The following DIS3L variants were observed in gnomAD, a reference collection of about 807,000 sequenced individuals.
DIS3L encodes the protein DIS3 like exosome 3'-5' exoribonuclease.
A neutral mutation model predicts 120.3 loss-of-function variants in DIS3L; 100 were observed. The observed-to-expected ratio is 0.83, with a 90% confidence interval of 0.71 to 0.98. DIS3L has a LOEUF of 0.98. DIS3L is among the 50% of genes least tolerant of loss of function. DIS3L has a pLI of 0.00. For missense variants in DIS3L, 1,196 were observed against 1,314.2 expected (o/e 0.91, Z 1.39); for synonymous variants, 426 against 470.6 (o/e 0.91, Z 1.23).
intron 2 of DIS3L, among the ~76,000 whole-genome samples, chr15:66,302,023 T>G (rs2140328037): frequency 6.6e-6 from 1 of 152,328 alleles, no homozygotes; most frequent in East Asian, 1.9e-4. Flanking sequence ...AATCTGGTGG[T>G]AACCCCTGGG....
chr15:66,329,515 T>A (rs2092976603), intron 14 of DIS3L, 116 bp downstream of exon 14: 3 of 1,371,882 alleles, frequency 2.2e-6, no homozygotes. Flanking sequence ...CTAGAATTAT[T>A]CTAACCAGTG....
chr15:66,312,438 A>G (rs1021409176), intron 5 of DIS3L, among the ~76,000 whole-genome samples: 2 of 152,204 alleles, frequency 1.3e-5, no homozygotes, highest in Admixed American at 6.5e-5. Context: ...CATATTGAAC[A>G]TCATACAAGC....
chr15:66,332,778 T>A lies in DIS3L; in HGVS notation c.2724T>A (p.Gly908=), dbSNP rs750301201. ...KGAAYLKNKD[G]LVISCGPDSC... Reference sequence around the variant, plus strand: ...CTGCTTATCTAAAAAATAAAGATGGTTTAGTCATCTCATGTGGCCCAGATA... The same window carrying A: ...CTGCTTATCTAAAAAATAAAGATGGATTAGTCATCTCATGTGGCCCAGATA... The change falls in exon 16 of 17, where the codon GGT becomes GGA. Residue 908 remains glycine (G), a synonymous_variant. Transcript: ENST00000319212. The A allele has an allele frequency of 1.2e-6, 2 of 1,613,308 alleles. No individual in the cohort carries two copies. The highest frequency in any genetic ancestry group is 2.2e-5 in the South Asian group (2 of 91,006).
intron 1 of DIS3L, chr15:66,294,175 G>A (rs2092558464): frequency 2.0e-6 from 2 of 985,524 alleles, no homozygotes; most frequent in South Asian, 4.7e-5. Context: ...GCAGCCACAG[G>A]TTTCCTGACC....
chr15:66,306,519 G>A (rs2092703960), intron 2 of DIS3L, among the ~76,000 whole-genome samples: 1 of 152,190 alleles, frequency 6.6e-6, no homozygotes, highest in African/African-American at 2.4e-5. Flanking sequence ...GGCAGGGCAA[G>A]GTGGTATAAT....
At chr15:66,303,391 C>T (rs1288918536) in intron 2 of DIS3L, among the ~76,000 whole-genome samples, 1 of 152,066 alleles carries the variant, frequency 6.6e-6, no homozygotes, top group Non-Finnish European at 1.5e-5. Flanking sequence ...CTATCTATGC[C>T]GTAGGACACT....
At chr15:66,328,545 A>G (rs904404799) in intron 12 of DIS3L, among the ~76,000 whole-genome samples, 1 of 152,204 alleles carries the variant, frequency 6.6e-6, no homozygotes, top group Non-Finnish European at 1.5e-5. Context: ...TATTTTGAGA[A>G]TAAATAAATA....
At chr15:66,332,955 A>G in intron 16 of DIS3L, 45 bp downstream of exon 16, 1 of 1,580,272 alleles carries the variant, frequency 6.3e-7, no homozygotes, top group Non-Finnish European at 8.6e-7. Context: ...TTTAAATGTA[A>G]GGAATAAATA....
intron 2 of DIS3L, among the ~76,000 whole-genome samples, chr15:66,303,132 G>A (rs529883599): frequency 6.6e-6 from 1 of 152,258 alleles, no homozygotes; most frequent in South Asian, 2.1e-4. Context: ...CCATGTTATG[G>A]CATGTGTTGG....
At chr15:66,332,327 C>A (rs940982699) in intron 15 of DIS3L, among the ~76,000 whole-genome samples, 5 of 151,976 alleles carry the variant, frequency 3.3e-5, no homozygotes, top group Admixed American at 6.6e-5. Flanking sequence ...CATGGTGACG[C>A]ATGCCTGAAA....
rs1253605738 is a variant in DIS3L, at chr15:66,328,958, G to C, written c.2202-12G>C. 1.9e-6 allele frequency: 3 copies of C among 1,608,048 alleles called. No homozygotes were observed. The East Asian group carries it at 6.7e-5, about 36-fold the overall frequency. On this transcript the variant is annotated splice_polypyrimidine_tract_variant and intron_variant, in intron 12 of 16. Transcript: ENST00000319212. Reference sequence around the variant, plus strand: ...TCTGGGACTAGCTAACGGTTTTTCTGTTCTTTGTCAGGTCCAATAAAACAC... The same window carrying C: ...TCTGGGACTAGCTAACGGTTTTTCTCTTCTTTGTCAGGTCCAATAAAACAC...
chr15:66,328,931 T>C, intron 12 of DIS3L, 39 bp from the exon 13 acceptor site: 1 of 1,587,796 alleles, frequency 6.3e-7, no homozygotes, highest in Non-Finnish European at 8.6e-7. Flanking sequence ...TGTAAATTAC[T>C]GTCTGGGACT....
Position 66,326,062 on chromosome 15 carries a change from C to A in DIS3L, c.1899C>A (p.Thr633=), listed in dbSNP as rs144169275. The A allele has an allele frequency of 1.9e-6, 3 of 1,613,952 alleles. No individual in the cohort carries two copies. The highest frequency in any genetic ancestry group is 2.5e-6 in the Non-Finnish European group (3 of 1,179,880). ...TGGTGTGGGCAATTGGAAAGCTGAC[C>A]GACATAGCTCGCCATGTCAGAGCTA... The part of the protein sequence containing the change: ...EELVWAIGKL[T]DIARHVRAKR... Residue 633 remains threonine, a synonymous_variant, in exon 12 of 17, where the codon ACC becomes ACA. Transcript: ENST00000319212.
Position 66,320,589 on chromosome 15 carries a change from C to G in DIS3L, c.1183C>G (p.Arg395Gly), listed in dbSNP as rs150139050. The part of the protein sequence containing the change: ...ETLQDFRVVV[R>G]IDSWESTSVY... ...TGTGCAGGACTTCAGGGTGGTCGTG[C>G]GCATCGATTCCTGGGAGTCAACATC... The change falls in exon 9 of 17, where the codon CGC becomes GGC. Residue 395 changes from arginine to glycine, a missense_variant. Arg to Gly is a moderately radical substitution (Grantham distance 125). Transcript: ENST00000319212. 1.7e-5 allele frequency: 27 copies of G among 1,613,022 alleles called. 1 individual carries two copies. In the Middle Eastern group the frequency reaches 2.0e-3, roughly 118 times the overall value.
chr15:66,306,619 A>G (rs927721428), intron 2 of DIS3L: 1 of 530,268 alleles, frequency 1.9e-6, no homozygotes, highest in Middle Eastern at 5.5e-4. Context: ...GGCCCTGCCC[A>G]AGCACCTTCT....
At chr15:66,308,169 C>G (rs1486537795) in intron 3 of DIS3L, among the ~76,000 whole-genome samples, 1 of 152,202 alleles carries the variant, frequency 6.6e-6, no homozygotes, top group African/African-American at 2.4e-5. Context: ...GACCCTGTCT[C>G]AATCAGTCAG....
chr15:66,294,922 G>A (rs762731426), intron 1 of DIS3L, 66 bp from the exon 2 acceptor site: 2 of 1,460,260 alleles, frequency 1.4e-6, no homozygotes, highest in South Asian at 1.3e-5. Flanking sequence ...CCAGAGCACC[G>A]TGACATTTAA....
chr15:66,320,494 C>G, intron 8 of DIS3L, 77 bp from the exon 9 acceptor site: 3 of 1,486,228 alleles, frequency 2.0e-6, no homozygotes, highest in Non-Finnish European at 2.7e-6. Context: ...TTGTTTGCCT[C>G]TTGTTTGTTT....
intron 4 of DIS3L, among the ~76,000 whole-genome samples, chr15:66,311,050 TA>T (rs34815047): frequency 0.67 from 59,690 of 88,522 alleles, 20,864 homozygotes; most frequent in East Asian, 0.82. Context: ...CCCTGTCCCT[TA>T]AAAAAAAAAA....
Sources: allele counts gnomAD v4.1 joint callset (sites outside exome capture counted in the v4.1 genomes callset), GRCh38; gene constraint gnomAD v4.1.1; transcripts MANE v1.5; gene names NCBI Gene and HGNC (gene_info 2026-07-23, HGNC 2026-07-21).